The following HLA-DQA1 variants were observed in gnomAD, a reference collection of about 807,000 sequenced individuals.
HLA-DQA1 encodes major histocompatibility complex, class II, DQ alpha 1, also known as HLA class II histocompatibility antigen, DQ alpha 1 chain.
Under a neutral mutation model 20.7 loss-of-function variants are expected in HLA-DQA1, and 10 were observed. The ratio of observed to expected loss-of-function variants is 0.48; its 90% confidence interval spans 0.30 to 0.82. The LOEUF (loss-of-function observed/expected upper bound fraction) is 0.82, where lower values mean the gene tolerates loss of function less well. Among genes scored for constraint, HLA-DQA1 ranks in the 40% least tolerant of loss-of-function variants. The pLI, the probability that HLA-DQA1 is intolerant of heterozygous loss-of-function variation, is 0.07. For synonymous variants in HLA-DQA1, 39 were observed against 109.2 expected (o/e 0.36, Z 4.01); for missense variants, 127 against 293.0 (o/e 0.43, Z 4.14).
intron 1 of HLA-DQA1, chr6:32,639,153 CT>C (rs1781165776): frequency 4.6e-6 from 1 of 216,898 alleles, no homozygotes; most frequent in Non-Finnish European, 9.3e-6. Flanking sequence ...CCAGAGTGCC[CT>C]GGTCAGGCTT....
chr6:32,638,648 G>T, intron 1 of HLA-DQA1, among the ~76,000 whole-genome samples: 1 of 99,870 alleles, frequency 1.0e-5, no homozygotes, highest in Non-Finnish European at 2.2e-5. Context: ...CTACACTCCA[G>T]CCAGGGCAAC....
intron 1 of HLA-DQA1, chr6:32,639,017 T>C (rs28383359): frequency 0.32 from 88,464 of 279,766 alleles, 27,208 homozygotes; most frequent in Admixed American, 0.46. Flanking sequence ...GGAAGGTACT[T>C]TAAACTTTCA....
downstream of HLA-DQA1, among the ~76,000 whole-genome samples, chr6:32,650,567 G>A (rs1365202608): frequency 1.1e-5 from 1 of 94,346 alleles, no homozygotes; most frequent in African/African-American, 3.7e-5. Flanking sequence ...GGATGAAGCT[G>A]GAAACCATCA....
At chr6:32,638,205 T>G (rs9272486) in intron 1 of HLA-DQA1, among the ~76,000 whole-genome samples, 18,807 of 88,180 alleles carry the variant, frequency 0.21, 3,590 homozygotes, top group Non-Finnish European at 0.26. Flanking sequence ...AATGTCAATT[T>G]TTTTTACATA....
At chr6:32,647,696 A>C (rs1215663325), downstream of HLA-DQA1, among the ~76,000 whole-genome samples, 1 of 152,162 alleles carries the variant, frequency 6.6e-6, no homozygotes, top group African/African-American at 2.4e-5. Context: ...CCTCTCAGAA[A>C]TGCAACTCTA....
downstream of HLA-DQA1, among the ~76,000 whole-genome samples, chr6:32,651,588 C>CA (rs70996710): frequency 0.16 from 2,409 of 15,288 alleles, 718 homozygotes; most frequent in Middle Eastern, 0.31. Flanking sequence ...CGTCTCAAAG[C>CA]AAAAAAAAAA....
downstream of HLA-DQA1, among the ~76,000 whole-genome samples, chr6:32,648,362 C>T (rs1195239420): frequency 1.1e-5 from 1 of 88,546 alleles, no homozygotes; most frequent in South Asian, 3.4e-4. Flanking sequence ...GCCTGATGAA[C>T]ATCAATGTGA....
chr6:32,643,980 T>C (rs9273024), downstream of HLA-DQA1: 83,285 of 147,378 alleles, frequency 0.57, 24,250 homozygotes, highest in Middle Eastern at 0.7. Flanking sequence ...CCTGTGCCAC[T>C]CTGGCATGAA....
chr6:32,641,672 T>C (rs1781433525), intron 2 of HLA-DQA1, 114 bp downstream of exon 2: 1 of 629,144 alleles, frequency 1.6e-6, no homozygotes, highest in African/African-American at 2.2e-5. Flanking sequence ...TGAAATTTTA[T>C]CATCTCCCAT....
chr6:32,644,135 G>A (rs9273037), downstream of HLA-DQA1: 44,265 of 151,730 alleles, frequency 0.29, 6,776 homozygotes, highest in Middle Eastern at 0.47. Context: ...CAACACAGTT[G>A]AGACAATGTA....
Position 32,640,953 on chromosome 6 carries a change from A to G in HLA-DQA1, c.83-357A>G, listed in dbSNP as rs952222981. On this transcript the variant is annotated intron_variant, in intron 1 of 4. Coordinates refer to ENST00000343139, the MANE Select transcript of HLA-DQA1 (RefSeq NM_002122.5). ...AATCTCAGGAAGCAGAGGGAAGTAA[A>G]CCTAATTTCTGACTAAGAAAGCTAA... 5.6e-5 allele frequency among the ~76,000 whole-genome samples: 4 copies of G among 72,026 alleles called. 2 individuals carry two copies. Among genetic ancestry groups the G allele is most frequent in the African/African-American group, 1.7e-4 (4 of 23,146 alleles). The allele number at this position is 72,026 out of a possible 152,430, so 47.3% of individuals were successfully genotyped here. A position where few individuals can be genotyped will look rare whatever the true frequency, so the allele number is the denominator to read the frequency against.
downstream of HLA-DQA1, chr6:32,644,184 C>T (rs986159583): frequency 6.7e-6 from 1 of 148,822 alleles, no homozygotes; most frequent in Non-Finnish European, 1.5e-5. Flanking sequence ...CTGGATTCGC[C>T]ATCTCCGAGG....
At chr6:32,644,969 C>T (rs1246629496), downstream of HLA-DQA1, 2 of 133,328 alleles carry the variant, frequency 1.5e-5, no homozygotes, top group Non-Finnish European at 3.4e-5. Context: ...AATCAGTAAG[C>T]ACAGGAAATC....
the HLA-DQA1 span, among the ~76,000 whole-genome samples, chr6:32,652,641 A>T: frequency 6.7e-6 from 1 of 149,110 alleles, no homozygotes; most frequent in Non-Finnish European, 1.5e-5. Context: ...CAGAATGTCA[A>T]AATGGTCAGC....
chr6:32,654,295 C>CAA, the HLA-DQA1 span, among the ~76,000 whole-genome samples: 433 of 75,658 alleles, frequency 5.7e-3, 59 homozygotes, highest in East Asian at 0.044. Flanking sequence ...GGCCCTGTCT[C>CAA]AAAAAAAAAA....
the HLA-DQA1 span, among the ~76,000 whole-genome samples, chr6:32,653,117 G>A: frequency 6.9e-6 from 1 of 144,648 alleles, no homozygotes; most frequent in South Asian, 2.2e-4. Flanking sequence ...CAGTCAGCCA[G>A]CAACATTCCC....
chr6:32,637,871 A>G (rs9272464), intron 1 of HLA-DQA1, among the ~76,000 whole-genome samples: 1,637 of 101,244 alleles, frequency 0.016, 37 homozygotes, highest in Middle Eastern at 0.055. Context: ...TTAAAAATTT[A>G]TGAAGTGTCA....
At chr6:32,653,961 AAAT>A in the HLA-DQA1 span, among the ~76,000 whole-genome samples, 1 of 85,618 alleles carries the variant, frequency 1.2e-5, no homozygotes, top group Non-Finnish European at 2.5e-5. Context: ...GCAGGTGGGG[AAAT>A]GGGGGTAGTA....
chr6:32,640,986 G>A (rs9272668), intron 1 of HLA-DQA1, among the ~76,000 whole-genome samples: 5,934 of 85,252 alleles, frequency 0.07, 795 homozygotes, highest in Middle Eastern at 0.19. Context: ...TAAATACTAT[G>A]ATAACTCATT....
Sources: allele counts gnomAD v4.1 joint callset (sites outside exome capture counted in the v4.1 genomes callset), GRCh38; gene constraint gnomAD v4.1.1; transcripts MANE v1.5; gene names NCBI Gene and HGNC (gene_info 2026-07-23, HGNC 2026-07-21).